The following ARHGEF10 variants were observed in gnomAD, a reference collection of about 807,000 sequenced individuals.
The protein encoded by ARHGEF10 is Rho guanine nucleotide exchange factor 10, also known as Rho guanine nucleotide exchange factor (GEF) 10.
In ARHGEF10, 140 loss-of-function variants were observed where a neutral mutation model predicts 147.4. The ratio of observed to expected loss-of-function variants is 0.95; its 90% CI spans 0.83 to 1.09. The LOEUF (loss-of-function observed/expected upper bound fraction) is 1.09, where lower values mean the gene tolerates loss of function less well. ARHGEF10 is among the 50% of genes least tolerant of loss of function. The pLI is 0.00. For missense variants in ARHGEF10, 2,222 were observed against 1,752.7 expected (o/e 1.27, Z -4.78); for synonymous variants, 902 against 695.8 (o/e 1.30, Z -4.67).
At position 1,882,587 on chromosome 8, in the gene ARHGEF10, G is replaced by A. The variant is rs1368571794; in HGVS notation, c.961-48G>A. The A allele has an allele frequency of 2.1e-6, 3 of 1,458,986 alleles. No individual in the cohort carries two copies. In the Admixed American group the frequency reaches 5.9e-5, roughly 29 times the overall value. The allele number at this position is 1,458,986 out of a possible 1,614,324, so 90.4% of individuals were successfully genotyped here. A position where few individuals can be genotyped will look rare whatever the true frequency, so the allele number is the denominator to read the frequency against. ...TTAAAACAGGCAAATGAAAGTCGCA[G>A]GTGGGTTCTGCCGCCGTCCCGTTCT... On this transcript the variant is annotated intron_variant, in intron 9 of 28. Transcript: ENST00000349830.
At chr8:1,874,803 A>C (rs541948226) in intron 7 of ARHGEF10, among the ~76,000 whole-genome samples, 1 of 149,098 alleles carries the variant, frequency 6.7e-6, no homozygotes, top group Admixed American at 6.6e-5. Context: ...AGAGGTTCTA[A>C]GACAGGCTGG....
chr8:1,876,507 A>C, intron 7 of ARHGEF10, 64 bp from the exon 8 acceptor site: 1 of 1,516,134 alleles, frequency 6.6e-7, no homozygotes, highest in Admixed American at 1.7e-5. Flanking sequence ...AACCACAAAC[A>C]GGCACAAAAC....
chr8:1,888,759 AGGTTTGTGAGGAGACACT>A (rs1563235941), intron 11 of ARHGEF10, among the ~76,000 whole-genome samples: 62 of 38,862 alleles, frequency 1.6e-3, no homozygotes, highest in African/African-American at 2.6e-3. Flanking sequence ...GAATAGGGTG[AGGTTTGTGAGGAGACACT>A]GAGTGGGGTG....
At chr8:1,867,874 A>T (rs1042127772) in intron 6 of ARHGEF10, among the ~76,000 whole-genome samples, 2 of 152,150 alleles carry the variant, frequency 1.3e-5, no homozygotes, top group African/African-American at 4.8e-5. Flanking sequence ...TTCTGGTTTC[A>T]ATTATGACGT....
At chr8:1,930,369 C>T (rs1813027051) in intron 25 of ARHGEF10, among the ~76,000 whole-genome samples, 1 of 152,190 alleles carries the variant, frequency 6.6e-6, no homozygotes, top group Non-Finnish European at 1.5e-5. Flanking sequence ...CCACCCTGGT[C>T]CACACCGCCC....
chr8:1,896,232 G>A (rs922942585), intron 13 of ARHGEF10, 101 bp from the exon 14 acceptor site: 26 of 895,412 alleles, frequency 2.9e-5, no homozygotes, highest in African/African-American at 1.1e-4. Context: ...CACAGTGACC[G>A]AAAGAGTATT....
intron 19 of ARHGEF10, 109 bp from the exon 20 acceptor site, chr8:1,923,359 G>C (rs1812443387): frequency 2.7e-6 from 4 of 1,505,846 alleles, no homozygotes; most frequent in Non-Finnish European, 3.7e-6. Flanking sequence ...TAATCTAATA[G>C]TTTCATTTGG....
chr8:1,860,242 G>T (rs1224604245), intron 4 of ARHGEF10, 58 bp downstream of exon 4: 4 of 1,521,286 alleles, frequency 2.6e-6, no homozygotes, highest in Non-Finnish European at 3.6e-6. Flanking sequence ...TCCTCTCCAC[G>T]CCCCCGAAGT....
upstream of ARHGEF10, among the ~76,000 whole-genome samples, chr8:1,823,442 G>T (rs1802518084): frequency 7.4e-6 from 1 of 135,972 alleles, no homozygotes; most frequent in African/African-American, 2.8e-5. Flanking sequence ...AGGGAGGGGC[G>T]ATGTTCTGGG....
chr8:1,853,508 A>C (rs1805309811), intron 2 of ARHGEF10, among the ~76,000 whole-genome samples: 1 of 152,218 alleles, frequency 6.6e-6, no homozygotes, highest in Non-Finnish European at 1.5e-5. Flanking sequence ...AGTTTTTCTC[A>C]TCAGTGTTCT....
intron 17 of ARHGEF10, among the ~76,000 whole-genome samples, chr8:1,908,054 G>C (rs750527206): frequency 2.0e-5 from 3 of 152,038 alleles, no homozygotes; most frequent in Non-Finnish European, 4.4e-5. Flanking sequence ...TACTGTGTCT[G>C]AATTGTTCTT....
At chr8:1,897,023 G>A (rs866576753) in intron 14 of ARHGEF10, among the ~76,000 whole-genome samples, 11 of 152,194 alleles carry the variant, frequency 7.2e-5, no homozygotes, top group East Asian at 1.9e-4. Context: ...ATGCGTGTCC[G>A]AGGCTGTGTT....
chr8:1,903,130 T>C, intron 15 of ARHGEF10, 151 bp from the exon 16 acceptor site: 1 of 1,015,212 alleles, frequency 9.9e-7, no homozygotes, highest in Non-Finnish European at 1.5e-6. Flanking sequence ...CTCACTCAGC[T>C]CATCATCCCT....
Position 1,879,415 on chromosome 8 carries a change from C to T in ARHGEF10, c.844-633C>T, listed in dbSNP as rs540663588. ...TTTATTTATTGGATAATTTTTATTC[C>T]ACCAAAATGTAAACGAATGATTTCA... On this transcript the variant is annotated intron_variant, in intron 8 of 28. Transcript: ENST00000349830. Among the ~76,000 whole-genome samples, 12 of 152,154 alleles carry T rather than the reference C, an allele frequency of 7.9e-5. No individual in the cohort carries two copies. In the South Asian group the frequency reaches 1.0e-3, roughly 13 times the overall value.
chr8:1,950,685 C>T (rs1736876580), intron 27 of ARHGEF10, among the ~76,000 whole-genome samples: 1 of 151,364 alleles, frequency 6.6e-6, no homozygotes, highest in South Asian at 2.1e-4. Context: ...GTGCCTACCA[C>T]CACGCCCAGC....
Position 1,923,457 on chromosome 8 carries a change from T to C in ARHGEF10, c.2260-11T>C, listed in dbSNP as rs746802120. 6.2e-6 allele frequency: 10 copies of C among 1,614,062 alleles called. No individual in the cohort carries two copies. Among genetic ancestry groups the C allele is most frequent in the Non-Finnish European group, 6.8e-6 (8 of 1,180,050 alleles). On this transcript the variant is annotated splice_polypyrimidine_tract_variant and intron_variant, in intron 19 of 28. Coordinates refer to ENST00000349830, the MANE Select transcript of ARHGEF10 (RefSeq NM_014629.4). Reference sequence around the variant, plus strand: ...ACACTTTTGAAATGTGCGTATTTATTTCCTTTGTAGAACTTAAACCAGTCA... The same window carrying C: ...ACACTTTTGAAATGTGCGTATTTATCTCCTTTGTAGAACTTAAACCAGTCA...
intron 25 of ARHGEF10, among the ~76,000 whole-genome samples, chr8:1,932,466 GTA>G (rs1563305164): frequency 6.6e-6 from 1 of 152,018 alleles, no homozygotes; most frequent in East Asian, 1.9e-4. Context: ...CTGCATGTGT[GTA>G]TGTGTGTGAC....
Position 1,937,933 on chromosome 8 carries a change from GGT to G in ARHGEF10, c.3222+3993_3222+3994del, listed in dbSNP as rs1259593932. Among the ~76,000 whole-genome samples, 1 of 152,198 alleles carries G rather than the reference GGT, an allele frequency of 6.6e-6. No individual in the cohort carries two copies. The highest frequency in any genetic ancestry group is 1.5e-5 in the Non-Finnish European group (1 of 68,038). Reference sequence around the variant, plus strand: ...GTGCCAGTGGAGGAGTCAGCATACCGGTGGGGGTGGCTGGCCCCGTCCCAGCT... The same window carrying G: ...GTGCCAGTGGAGGAGTCAGCATACCGGGGGGTGGCTGGCCCCGTCCCAGCT... On this transcript the variant is annotated intron_variant, in intron 26 of 28. Coordinates refer to ENST00000349830, the MANE Select transcript of ARHGEF10 (RefSeq NM_014629.4). The surrounding 1 kb of genome is among the most constrained non-coding windows in gnomAD (Gnocchi z 4.9).
intron 2 of ARHGEF10, among the ~76,000 whole-genome samples, chr8:1,853,955 A>G (rs561049788): frequency 6.6e-6 from 1 of 152,278 alleles, no homozygotes; most frequent in South Asian, 2.1e-4. Context: ...ACCTGCAGTC[A>G]CCTGTTTGCA....
Sources: gnomAD v4.1 joint callset for allele counts (sites outside exome capture counted in the v4.1 genomes callset) on GRCh38, gnomAD v4.1.1 for gene constraint, Gnocchi (gnomAD v3.1) non-coding constraint, MANE v1.5 for transcripts, NCBI Gene and HGNC (gene_info 2026-07-23, HGNC 2026-07-21) for gene names.